TRPM1: variants seen among roughly 807,000 people sequenced by gnomAD.
TRPM1 encodes the protein TRPM1-203 APA Isoform, Intron 10.
In TRPM1, 113 loss-of-function variants were observed where a neutral mutation model predicts 149.4. That is an observed-to-expected ratio of 0.76 (90% confidence interval 0.65 to 0.88). The LOEUF (loss-of-function observed/expected upper bound fraction) is 0.88. TRPM1 is among the 40% of genes least tolerant of loss of function. The pLI, the probability that TRPM1 is intolerant of heterozygous loss-of-function variation, is 0.00. For missense variants in TRPM1, 1,976 were observed against 2,038.7 expected, an observed-to-expected ratio of 0.97 and a Z score of 0.59; for synonymous variants, 741 against 759.5, an observed-to-expected ratio of 0.98 and a Z score of 0.40.
chr15:31,080,558 T>C (rs1192225620), intron 2 of TRPM1, among the ~76,000 whole-genome samples: 1 of 152,040 alleles, frequency 6.6e-6, no homozygotes, highest in Admixed American at 6.5e-5. Flanking sequence ...AAGGAAGAAC[T>C]GAGGGAAGAT....
rs1418325776 is a variant in TRPM1, at chr15:31,047,157, C to G, written c.1718G>C (p.Arg573Pro). 1 of 1,614,188 alleles carries G rather than the reference C, an allele frequency of 6.2e-7. No homozygotes were observed. Among genetic ancestry groups the G allele is most frequent in the Admixed American group, 1.7e-5 (1 of 60,012 alleles). Residue 573 changes from arginine to proline, a missense_variant, in exon 15 of 28, where the codon CGG (arginine) becomes CCG (proline). Transcript: ENST00000256552. The stretch of plus-strand genomic sequence containing the variant: ...GTTGTAAAGGGTCCGAAAGTTTTTC[C>G]GAGTGTAGTTGCAGCGGTAGGCTCC... ...MGGAYRCNYT[R>P]KNFRTLYNNL...
chr15:31,035,224 G>C (rs1024712496), intron 21 of TRPM1, among the ~76,000 whole-genome samples: 2 of 151,988 alleles, frequency 1.3e-5, no homozygotes, highest in Non-Finnish European at 2.9e-5. Flanking sequence ...GGCTGGTTTC[G>C]AATTACTGCT....
At chr15:31,062,458 T>C (rs2140955678) in intron 9 of TRPM1, 121 bp downstream of exon 9, 2 of 1,308,222 alleles carry the variant, frequency 1.5e-6, no homozygotes, top group Non-Finnish European at 2.2e-6. Context: ...ATTTGTACTG[T>C]CTCTCAGAAA....
intron 22 of TRPM1, chr15:31,031,419 A>G: frequency 3.6e-6 from 2 of 556,798 alleles, no homozygotes; most frequent in Non-Finnish European, 6.4e-6. Flanking sequence ...TTGCCCATAA[A>G]CACATGTCCC....
chr15:31,122,909 GGACT>G (rs1454890010), intron 1 of TRPM1, among the ~76,000 whole-genome samples: 1 of 152,086 alleles, frequency 6.6e-6, no homozygotes, highest in Non-Finnish European at 1.5e-5. Flanking sequence ...CAAACTCAGA[GGACT>G]GACCTTACCC....
At chr15:31,076,064 A>G (rs914069207) in intron 3 of TRPM1, among the ~76,000 whole-genome samples, 2 of 152,068 alleles carry the variant, frequency 1.3e-5, no homozygotes, top group African/African-American at 4.8e-5. Flanking sequence ...AGGGACATGT[A>G]GATGCAACAA....
upstream of TRPM1, among the ~76,000 whole-genome samples, chr15:31,103,989 C>A (rs1024845504): frequency 6.6e-6 from 1 of 152,114 alleles, no homozygotes; most frequent in African/African-American, 2.4e-5. Context: ...GAGGCATCCT[C>A]CCCCATGAAG....
intron 1 of TRPM1, among the ~76,000 whole-genome samples, chr15:31,088,925 A>G (rs781670988): frequency 2.0e-5 from 3 of 152,140 alleles, no homozygotes; most frequent in African/African-American, 4.8e-5. Context: ...TGGTGGCAGA[A>G]TTGCGTGGAA....
rs186190924 is a variant in TRPM1 at position 31,095,261 on chromosome 15, C to T, written c.-84+6396G>A. 2.1e-3 allele frequency among the ~76,000 whole-genome samples: 314 copies of T among 152,300 alleles called. 4 individuals carry two copies. The highest frequency in any genetic ancestry group is 7.2e-3 in the African/African-American group (298 of 41,558). ...ACTGCTTAATGGGTAGGGGGTTTTA[C>T]TTTGTAGTGTTGGAAGTAAGGACAG... On this transcript the variant is annotated intron_variant, in intron 1 of 27. Transcript: ENST00000256552.
chr15:31,083,506 TA>T (rs2034918091), intron 1 of TRPM1, among the ~76,000 whole-genome samples: 1 of 152,252 alleles, frequency 6.6e-6, no homozygotes, highest in East Asian at 1.9e-4. Context: ...GCCCGGCTCC[TA>T]GGGGCACCTG....
At chr15:31,089,278 C>A (rs2140997385) in intron 1 of TRPM1, among the ~76,000 whole-genome samples, 1 of 147,416 alleles carries the variant, frequency 6.8e-6, no homozygotes, top group African/African-American at 2.7e-5. Flanking sequence ...CAATGGTGGG[C>A]CAACATTGCC....
chr15:31,080,907 A>G (rs979852591), intron 2 of TRPM1, among the ~76,000 whole-genome samples: 2 of 151,962 alleles, frequency 1.3e-5, no homozygotes, highest in South Asian at 2.1e-4. Flanking sequence ...CAGGCCCCTC[A>G]TCGTGAAAGG....
At position 31,060,487 on chromosome 15, in the gene TRPM1, T is replaced by C. The variant is rs1208906170; in HGVS notation, c.1263+57A>G. The C allele has an allele frequency of 6.4e-6, 9 of 1,409,622 alleles. No individual in the cohort carries two copies. In the East Asian group the frequency reaches 1.8e-4, roughly 29 times the overall value. 87.3% of individuals were successfully genotyped at this position (1,409,622 alleles called of 1,614,324 possible). On this transcript the variant is annotated intron_variant, in intron 11 of 27. Transcript: ENST00000256552. ...CATGTCACAAGGGAGAACATACTAA[T>C]AGGTCACTTGTACAAAGTCAAGATC...
chr15:31,105,710 TTTG>T (rs2035597550), upstream of TRPM1, among the ~76,000 whole-genome samples: 1 of 152,218 alleles, frequency 6.6e-6, no homozygotes. Flanking sequence ...AAAAGACTGT[TTTG>T]TTGTTCTTTT....
chr15:31,088,815 C>G (rs1440940864), intron 1 of TRPM1, among the ~76,000 whole-genome samples: 3 of 148,834 alleles, frequency 2.0e-5, no homozygotes, highest in Non-Finnish European at 4.5e-5. Context: ...GGGGATGCGT[C>G]AGAGGAGGCC....
Position 31,039,995 on chromosome 15 carries a change from G to T in TRPM1, c.2316+123C>A, listed in dbSNP as rs116049888. 4.6e-3 allele frequency: 3,802 copies of T among 819,996 alleles called. 107 individuals are homozygous for T. In the African/African-American group the frequency reaches 0.054, roughly 12 times the overall value. 50.8% of individuals were successfully genotyped at this position (819,996 alleles called of 1,614,324 possible). A position where few individuals can be genotyped will look rare whatever the true frequency, so the allele number is the denominator to read the frequency against. On this transcript the variant is annotated intron_variant, in intron 18 of 27. Transcript: ENST00000256552. The stretch of plus-strand genomic sequence containing the variant: ...TCTATAAGACAATGATTGTCATGGC[G>T]TCTCCCTCAGGGGGTTGCTAGAAGG...
At chr15:31,030,474 C>T (rs1003257809) in intron 23 of TRPM1, among the ~76,000 whole-genome samples, 3 of 152,150 alleles carry the variant, frequency 2.0e-5, no homozygotes, top group Non-Finnish European at 4.4e-5. Flanking sequence ...GGATCATAGC[C>T]CATTTCCTCT....
Position 31,066,141 on chromosome 15 carries a change from T to A in TRPM1, c.725A>T (p.Tyr242Phe). The change falls in exon 7 of 28, where the codon TAT (tyrosine) becomes TTT (phenylalanine). Residue 242 changes from tyrosine (Y) to phenylalanine (F), a missense_variant. Coordinates refer to ENST00000256552, the MANE Select transcript of TRPM1 (RefSeq NM_001252024.2). ...ILADNGTLGK[Y>F]GAEVKLRRLL... Reference sequence around the variant, plus strand: ...CCTTCGCAGCTTCACCTCGGCGCCATACTTGCCCAGGGTGCCATTGTCAGC... The same window carrying A: ...CCTTCGCAGCTTCACCTCGGCGCCAAACTTGCCCAGGGTGCCATTGTCAGC... The A allele has an allele frequency of 6.2e-7, 1 of 1,614,188 alleles. No homozygotes were observed. Among genetic ancestry groups the A allele is most frequent in the South Asian group, 1.1e-5 (1 of 91,078 alleles).
At chr15:31,046,355 C>T (rs762203340) in intron 15 of TRPM1, 122 bp from the exon 16 acceptor site, 14 of 877,988 alleles carry the variant, frequency 1.6e-5, no homozygotes, top group Non-Finnish European at 2.5e-5. Flanking sequence ...GTATCATTAA[C>T]AATTAATGAT....
Sources: allele counts gnomAD v4.1 joint callset (sites outside exome capture counted in the v4.1 genomes callset), GRCh38; gene constraint gnomAD v4.1.1; transcripts MANE v1.5; gene names NCBI Gene and HGNC (gene_info 2026-07-23, HGNC 2026-07-21).